DNAI3: variants seen among roughly 807,000 people sequenced by gnomAD.
DNAI3 encodes the protein WD repeat domain 63.
DNAI3 carries 83 observed loss-of-function variants against 115.5 expected under a neutral mutation model. The ratio of observed to expected loss-of-function variants is 0.72; its 90% confidence interval spans 0.60 to 0.86. The LOEUF (loss-of-function observed/expected upper bound fraction) is 0.86, where lower values mean the gene tolerates loss of function less well. DNAI3 is among the 40% of genes least tolerant of loss of function. DNAI3 has a pLI of 0.00. For synonymous variants in DNAI3, 320 were observed against 347.0 expected (o/e 0.92, Z 0.86); for missense variants, 1,004 against 1,075.8 (o/e 0.93, Z 0.93).
intron 21 of DNAI3, among the ~76,000 whole-genome samples, chr1:85,129,681 T>A (rs767883490): frequency 1.3e-5 from 2 of 152,192 alleles, no homozygotes; most frequent in Non-Finnish European, 2.9e-5. Context: ...AACCCTACTT[T>A]GGAAACCTCC....
At chr1:85,128,881 C>T in intron 21 of DNAI3, 82 bp downstream of exon 21, 4 of 1,312,012 alleles carry the variant, frequency 3.0e-6, no homozygotes, top group Non-Finnish European at 4.3e-6. Context: ...TTAGAAATGA[C>T]AGCATTTTTG....
intron 22 of DNAI3, among the ~76,000 whole-genome samples, 186 bp from the exon 23 acceptor site, chr1:85,132,669 C>T (rs977253040): frequency 1.3e-5 from 2 of 152,088 alleles, no homozygotes; most frequent in Admixed American, 1.3e-4. Context: ...TTTCCCCCCA[C>T]TCCCTCCTTT....
At chr1:85,065,065 G>T (rs897418006) in intron 1 of DNAI3, among the ~76,000 whole-genome samples, 1 of 151,994 alleles carries the variant, frequency 6.6e-6, no homozygotes, top group African/African-American at 2.4e-5. Context: ...TAGAAAGATG[G>T]AAACAAGCAT....
chr1:85,066,314 C>CTTTT lies in DNAI3; in HGVS notation c.-15+3851_-15+3854dup, dbSNP rs57553075. On this transcript the variant is annotated intron_variant, in intron 1 of 22. Transcript: ENST00000294664. ...TAGACGAATTATCTCTTCTGCTACT[C>CTTTT]TTTTTTTTTTTTTTTTTTTTTTTTT... Among the ~76,000 whole-genome samples the CTTTT allele has an allele frequency of 9.0e-3, 627 of 70,022 alleles. 173 individuals are homozygous for CTTTT. Among genetic ancestry groups the CTTTT allele is most frequent in the Middle Eastern group, 0.033 (2 of 60 alleles). 45.9% of individuals were successfully genotyped at this position (70,022 alleles called of 152,430 possible).
chr1:85,121,895 G>A (rs1449257388), intron 18 of DNAI3, 81 bp downstream of exon 18: 2 of 1,468,614 alleles, frequency 1.4e-6, no homozygotes, highest in Non-Finnish European at 1.9e-6. Context: ...GCAGTACAGA[G>A]TCACCCTGGT....
intron 3 of DNAI3, among the ~76,000 whole-genome samples, chr1:85,073,391 G>T (rs1157973945): frequency 6.6e-6 from 1 of 152,164 alleles, no homozygotes; most frequent in Non-Finnish European, 1.5e-5. Flanking sequence ...ACTTTTATCA[G>T]ATAAGTATTT....
Position 85,098,793 on chromosome 1 carries a change from G to T in DNAI3, c.1479+135G>T, listed in dbSNP as rs1655201743. 7.6e-6 allele frequency: 10 copies of T among 1,321,844 alleles called. No individual in the cohort carries two copies. The East Asian group carries it at 2.0e-4, about 26-fold the overall frequency. The allele number at this position is 1,321,844 out of a possible 1,614,324, so 81.9% of individuals were successfully genotyped here. On this transcript the variant is annotated intron_variant, in intron 13 of 22. Coordinates refer to ENST00000294664, the MANE Select transcript of DNAI3 (RefSeq NM_145172.5). ...AACCAGGAACTAAGCATCAAAAAATGGGGTTACTGTTGCCAGACCAGTATC... is the reference window on the plus strand; with the variant it reads ...AACCAGGAACTAAGCATCAAAAAATTGGGTTACTGTTGCCAGACCAGTATC...
chr1:85,069,260 C>A (rs1654190694), intron 1 of DNAI3, among the ~76,000 whole-genome samples: 2 of 152,208 alleles, frequency 1.3e-5, no homozygotes, highest in South Asian at 4.1e-4. Context: ...AAATACTCTT[C>A]CTCTCCCAGA....
At chr1:85,082,781 A>T (rs1345471198) in intron 5 of DNAI3, among the ~76,000 whole-genome samples, 1 of 152,182 alleles carries the variant, frequency 6.6e-6, no homozygotes, top group African/African-American at 2.4e-5. Context: ...TCTGGCACCT[A>T]GAATATGTAA....
At chr1:85,103,681 G>T (rs1655396822) in intron 13 of DNAI3, among the ~76,000 whole-genome samples, 1 of 151,930 alleles carries the variant, frequency 6.6e-6, no homozygotes, top group African/African-American at 2.4e-5. Context: ...GAGGCCAGGG[G>T]TTCCAAACTA....
chr1:85,118,148 C>A (rs1655888795), intron 17 of DNAI3, among the ~76,000 whole-genome samples: 1 of 152,044 alleles, frequency 6.6e-6, no homozygotes, highest in African/African-American at 2.4e-5. Flanking sequence ...TTGGAAGAAA[C>A]CATACTAAGT....
chr1:85,067,933 G>A (rs915135538), intron 1 of DNAI3, among the ~76,000 whole-genome samples: 2 of 152,198 alleles, frequency 1.3e-5, no homozygotes, highest in African/African-American at 4.8e-5. Context: ...GAACTACAAA[G>A]CTGTAAGATA....
In DNAI3 at chr1:85,130,299, C is replaced by G. The variant is rs1656275095; in HGVS notation, c.2532+187C>G. 3.9e-6 allele frequency: 3 copies of G among 762,680 alleles called. No homozygotes were observed. The East Asian group carries it at 8.8e-5, about 22-fold the overall frequency. The allele number at this position is 762,680 out of a possible 1,614,324, so 47.2% of individuals were successfully genotyped here. ...TGCCAGTTAGACACGTAGTGAGATT[C>G]TGTCCAATTTAAGTTTCTGAAATTT... On this transcript the variant is annotated intron_variant, in intron 22 of 22. Coordinates refer to ENST00000294664, the MANE Select transcript of DNAI3 (RefSeq NM_145172.5).
At chr1:85,081,179 G>A in intron 3 of DNAI3, 55 bp from the exon 4 acceptor site, 1 of 1,397,880 alleles carries the variant, frequency 7.2e-7, no homozygotes, top group Non-Finnish European at 9.5e-7. Flanking sequence ...GTTTTCTAAT[G>A]CTAATATTTT....
intron 17 of DNAI3, 81 bp downstream of exon 17, chr1:85,117,940 G>T: frequency 6.7e-7 from 1 of 1,496,740 alleles, no homozygotes. Flanking sequence ...GTACATTTTT[G>T]CTGTGTAAAG....
chr1:85,130,153 A>G (rs765180705), intron 22 of DNAI3, 41 bp downstream of exon 22: 11 of 1,610,490 alleles, frequency 6.8e-6, no homozygotes, highest in Non-Finnish European at 8.5e-6. Flanking sequence ...TTCCTCGAAC[A>G]CCAGTGGAAA....
chr1:85,116,955 G>A (rs1286348939), intron 16 of DNAI3, among the ~76,000 whole-genome samples: 1 of 152,044 alleles, frequency 6.6e-6, no homozygotes, highest in African/African-American at 2.4e-5. Flanking sequence ...AATGTAATAT[G>A]TCTTTTTAGT....
intron 15 of DNAI3, 50 bp downstream of exon 15, chr1:85,108,227 T>G (rs1188402509): frequency 6.7e-7 from 1 of 1,491,160 alleles, no homozygotes; most frequent in East Asian, 2.3e-5. Context: ...ATACACTATT[T>G]ACTTTGCATG....
chr1:85,072,767 G>A (rs6675736), intron 2 of DNAI3, among the ~76,000 whole-genome samples: 1,706 of 151,358 alleles, frequency 0.011, 28 homozygotes, highest in African/African-American at 0.032. Context: ...CATCCTGGTT[G>A]ACACGGTGAA....
Sources: gnomAD v4.1 joint callset for allele counts (sites outside exome capture counted in the v4.1 genomes callset) on GRCh38, gnomAD v4.1.1 for gene constraint, MANE v1.5 for transcripts, NCBI Gene and HGNC (gene_info 2026-07-23, HGNC 2026-07-21) for gene names.